The following HINFP variants were observed in gnomAD, a reference collection of about 807,000 sequenced individuals.
The protein encoded by HINFP is histone H4 transcription factor.
A neutral mutation model predicts 50.1 loss-of-function variants in HINFP; 20 were observed. That is an observed-to-expected ratio of 0.40 (90% CI 0.28 to 0.58). HINFP has a LOEUF of 0.58. HINFP is among the 20% of genes least tolerant of loss of function. The probability of loss-of-function intolerance (pLI) is 0.45; values close to 1 mark genes in which losing one functional copy is unlikely to be tolerated. For missense variants in HINFP, 505 were observed against 664.1 expected, an observed-to-expected ratio of 0.76 and a Z score of 2.63; for synonymous variants, 247 against 243.7, an observed-to-expected ratio of 1.01 and a Z score of -0.13.
intron 2 of HINFP, chr11:119,130,165 A>T (rs1947672757): frequency 6.5e-6 from 1 of 152,788 alleles, no homozygotes; most frequent in South Asian, 2.1e-4. Context: ...GGGAGGTGTC[A>T]GATCGAGAGG....
rs749125746 is a variant in HINFP, at chr11:119,130,714, C to T, written c.182-11C>T. On this transcript the variant is annotated splice_polypyrimidine_tract_variant and intron_variant, in intron 2 of 9. Coordinates refer to ENST00000350777, the MANE Select transcript of HINFP (RefSeq NM_198971.3). ...AGTGTCAGACTCTTCCTTTTAAACC[C>T]CTTTCTACAGAGGAAGAATTCTCCT... 24 of 1,612,126 alleles carry T rather than the reference C, an allele frequency of 1.5e-5. No individual in the cohort carries two copies. The East Asian group carries it at 4.7e-4, about 31-fold the overall frequency.
At chr11:119,122,343 G>A (rs533405337) in intron 1 of HINFP, among the ~76,000 whole-genome samples, 2 of 152,276 alleles carry the variant, frequency 1.3e-5, no homozygotes, top group African/African-American at 2.4e-5. Flanking sequence ...AACAGCAGGT[G>A]TATGTTTAGA....
At chr11:119,129,592 C>T (rs1383172392) in intron 2 of HINFP, among the ~76,000 whole-genome samples, 3 of 151,298 alleles carry the variant, frequency 2.0e-5, no homozygotes, top group Admixed American at 2.0e-4. Flanking sequence ...TCCCAAATAG[C>T]TGGGACTACA....
At chr11:119,132,389 CT>C in intron 5 of HINFP, 106 bp from the exon 6 acceptor site, 1 of 1,098,132 alleles carries the variant, frequency 9.1e-7, no homozygotes, top group African/African-American at 1.5e-5. Flanking sequence ...CTAAGCTCTC[CT>C]TTTCTCCTTG....
At chr11:119,128,997 C>T (rs985986988) in intron 2 of HINFP, among the ~76,000 whole-genome samples, 13 of 151,526 alleles carry the variant, frequency 8.6e-5, no homozygotes, top group South Asian at 8.3e-4. Context: ...CCCAAAGTCA[C>T]GGTACTAATA....
intron 1 of HINFP, chr11:119,123,966 T>C (rs1947243377): frequency 6.6e-6 from 1 of 152,128 alleles, no homozygotes; most frequent in African/African-American, 2.4e-5. Flanking sequence ...ATTACAGGCA[T>C]AAGCCACTGC....
chr11:119,131,863 T>C lies in HINFP; in HGVS notation c.557T>C (p.Leu186Pro). 6.2e-7 allele frequency: 1 copy of C among 1,614,132 alleles called. No homozygotes were observed. The highest frequency in any genetic ancestry group is 8.5e-7 in the Non-Finnish European group (1 of 1,180,028). ...TGCACCTTCAAGGACCGCAGTAAAC[T>C]TCGAGAGCACCTCCGCAGCCATACC... ...CTCTFKDRSK[L>P]REHLRSHTQE... The change falls in exon 5 of 10, where the codon CTT (leucine) becomes CCT (proline). Residue 186 changes from leucine (L) to proline (P), a missense_variant. Physicochemically the swap from Leu to Pro is moderately conservative, Grantham distance 98. Coordinates refer to ENST00000350777, the MANE Select transcript of HINFP (RefSeq NM_198971.3). This position sits in a 1 kb window ranked among gnomAD's most constrained non-coding sequence, Gnocchi z 4.2.
In HINFP at chr11:119,134,156, A is replaced by T. The variant is rs746594897; in HGVS notation, c.1212A>T (p.Gln404His). The T allele has an allele frequency of 6.2e-7, 1 of 1,614,022 alleles. No individual in the cohort carries two copies. The highest frequency in any genetic ancestry group is 1.1e-5 in the South Asian group (1 of 91,066). Residue 404 changes from glutamine (Q) to histidine (H), a missense_variant, in exon 10 of 10, where the codon CAA becomes CAT. Transcript: ENST00000350777. The surrounding 1 kb of genome is among the most constrained non-coding windows in gnomAD (Gnocchi z 4.3). ...VRYESVELTQQLLRQPQEGSG... is the reference protein window; with the variant it reads ...VRYESVELTQHLLRQPQEGSG... ...ACGAGAGTGTAGAGCTGACACAGCA[A>T]CTGCTGCGGCAACCACAAGAGGGAT...
In HINFP at chr11:119,121,618, A is replaced by G. The variant is rs1040459000; in HGVS notation, c.-32A>G. The G allele has an allele frequency of 6.6e-6, 1 of 152,356 alleles. No homozygotes were observed. Among genetic ancestry groups the G allele is most frequent in the African/African-American group, 2.4e-5 (1 of 41,468 alleles). 9.4% of individuals were successfully genotyped at this position (152,356 alleles called of 1,614,324 possible). A position where few individuals can be genotyped will look rare whatever the true frequency, so the allele number is the denominator to read the frequency against. ...TGGTCTGAGGTGGGAGAAGAGCTGAAGAGACCTGGAGCCGACAGACGGTAA... is the reference window on the plus strand; with the variant it reads ...TGGTCTGAGGTGGGAGAAGAGCTGAGGAGACCTGGAGCCGACAGACGGTAA... On this transcript the variant is annotated 5_prime_UTR_variant, in exon 1 of 10. Transcript: ENST00000350777.
At chr11:119,125,023 G>A (rs1947307984) in intron 1 of HINFP, 1 of 133,454 alleles carries the variant, frequency 7.5e-6, no homozygotes, top group South Asian at 2.6e-4. Flanking sequence ...TTTTGTTTGT[G>A]TGTGTGTGTG....
In HINFP at chr11:119,123,168, A is replaced by G. The variant is rs1034240584; in HGVS notation, c.-11+1529A>G. ...AAAAAAAAAGAACTTGCGTAGGCAG[A>G]GAGTTTTAGGAGAATGTAGAGTATT... On this transcript the variant is annotated intron_variant, in intron 1 of 9. Coordinates refer to ENST00000350777, the MANE Select transcript of HINFP (RefSeq NM_198971.3). 2.8e-5 allele frequency among the ~76,000 whole-genome samples: 4 copies of G among 143,502 alleles called. 1 individual carries two copies. The highest frequency in any genetic ancestry group is 2.4e-4 in the East Asian group (1 of 4,154). The allele number at this position is 143,502 out of a possible 152,430, so 94.1% of individuals were successfully genotyped here.
intron 5 of HINFP, 102 bp from the exon 6 acceptor site, chr11:119,132,394 C>A: frequency 8.7e-7 from 1 of 1,144,598 alleles, no homozygotes; most frequent in Non-Finnish European, 1.3e-6. Context: ...CTCTCCTTTT[C>A]TCCTTGGGTG....
Position 119,131,708 on chromosome 11 carries a change from A to G in HINFP, c.523+62A>G. The G allele has an allele frequency of 6.3e-7, 1 of 1,587,758 alleles. No homozygotes were observed. Among genetic ancestry groups the G allele is most frequent in the South Asian group, 1.1e-5 (1 of 90,476 alleles). On this transcript the variant is annotated intron_variant, in intron 4 of 9. Coordinates refer to ENST00000350777, the MANE Select transcript of HINFP (RefSeq NM_198971.3). The surrounding 1 kb of genome is among the most constrained non-coding windows in gnomAD (Gnocchi z 4.2). Reference sequence around the variant, plus strand: ...ACGCTGGGGTTCCTGAAGAGCTGGGACAGAAAGGGATAGGGGTCCTACAGG... The same window carrying G: ...ACGCTGGGGTTCCTGAAGAGCTGGGGCAGAAAGGGATAGGGGTCCTACAGG...
rs745926917 is a variant in HINFP at position 119,132,958 on chromosome 11, C to G, written c.970C>G (p.Arg324Gly). The G allele has an allele frequency of 6.2e-7, 1 of 1,614,166 alleles. No homozygotes were observed. The highest frequency in any genetic ancestry group is 8.5e-7 in the Non-Finnish European group (1 of 1,180,038). Residue 324 changes from arginine to glycine, a missense_variant, in exon 8 of 10, where the codon CGA becomes GGA. Transcript: ENST00000350777. ...TTTTGAGAACTGCACCTTCAGTGCC[C>G]GATCCCTCTGCTCTATCAAGTCCCA... ...CDFENCTFSA[R>G]SLCSIKSHYR...
At chr11:119,129,895 T>G (rs1947658627) in intron 2 of HINFP, 1 of 152,218 alleles carries the variant, frequency 6.6e-6, no homozygotes, top group Admixed American at 6.5e-5. Flanking sequence ...CTGTTTTAAG[T>G]CTGATGACTA....
chr11:119,132,589 C>G lies in HINFP; in HGVS notation c.754+16C>G. The G allele has an allele frequency of 6.2e-7, 1 of 1,614,132 alleles. No individual in the cohort carries two copies. The highest frequency in any genetic ancestry group is 8.5e-7 in the Non-Finnish European group (1 of 1,180,012). The stretch of plus-strand genomic sequence containing the variant: ...CGCAACCATGGTGAGTGGCCTGCGG[C>G]CCACAGCCTCCCTCCTGCCCTCCAA... On this transcript the variant is annotated intron_variant, in intron 6 of 9. Coordinates refer to ENST00000350777, the MANE Select transcript of HINFP (RefSeq NM_198971.3).
Position 119,129,490 on chromosome 11 carries a change from C to CTTTTTTTT in HINFP, c.182-1227_182-1220dup, listed in dbSNP as rs59395600. On this transcript the variant is annotated intron_variant, in intron 2 of 9. Coordinates refer to ENST00000350777, the MANE Select transcript of HINFP (RefSeq NM_198971.3). ...TCTGGCAGGAATACATTTTTCTTTT[C>CTTTTTTTT]TTTTTTTTTTTTTTTGTGGGAGTGC... Among the ~76,000 whole-genome samples the CTTTTTTTT allele has an allele frequency of 6.8e-3, 850 of 124,130 alleles. 26 individuals carry two copies. The highest frequency in any genetic ancestry group is 0.024 in the African/African-American group (776 of 32,580). The allele number at this position is 124,130 out of a possible 152,430, so 81.4% of individuals were successfully genotyped here.
chr11:119,134,107 A>G lies in HINFP; in HGVS notation c.1163A>G (p.Tyr388Cys). The change falls in exon 10 of 10, where the codon TAT becomes TGT. Residue 388 changes from tyrosine to cysteine, a missense_variant. Tyr to Cys is a radical substitution (Grantham distance 194). Transcript: ENST00000350777. The surrounding 1 kb of genome is among the most constrained non-coding windows in gnomAD (Gnocchi z 4.3). ...AGGTACAAGGAACATGAAGATGGCTATATGCGGCTGCAGCTGGTTCGCTAC... is the reference window on the plus strand; with the variant it reads ...AGGTACAAGGAACATGAAGATGGCTGTATGCGGCTGCAGCTGGTTCGCTAC... ...RFRYKEHEDG[Y>C]MRLQLVRYES... 6.2e-7 allele frequency: 1 copy of G among 1,614,168 alleles called. No homozygotes were observed. Among genetic ancestry groups the G allele is most frequent in the African/African-American group, 1.3e-5 (1 of 75,022 alleles).
intron 2 of HINFP, among the ~76,000 whole-genome samples, chr11:119,129,490 C>CTTTTTT (rs59395600): frequency 8.9e-5 from 11 of 124,178 alleles, no homozygotes; most frequent in East Asian, 5.0e-4. Flanking sequence ...TTTTTCTTTT[C>CTTTTTT]TTTTTTTTTT....
Sources: allele counts gnomAD v4.1 joint callset (sites outside exome capture counted in the v4.1 genomes callset), GRCh38; gene constraint gnomAD v4.1.1; non-coding constraint Gnocchi (gnomAD v3.1); transcripts MANE v1.5; gene names NCBI Gene and HGNC (gene_info 2026-07-23, HGNC 2026-07-21).